Variants in PCDHGA5 observed in about 807,000 individuals in gnomAD.
The protein encoded by PCDHGA5 is protocadherin gamma subfamily A, 5, also known as protocadherin gamma-A5.
Under a neutral mutation model 56.7 loss-of-function variants are expected in PCDHGA5, and 36 were observed. The ratio of observed to expected loss-of-function variants is 0.64; its 90% CI spans 0.49 to 0.84. The LOEUF (loss-of-function observed/expected upper bound fraction) is 0.84. Among genes scored for constraint, PCDHGA5 ranks in the 40% least tolerant of loss-of-function variants. PCDHGA5 has a pLI of 0.00. For missense variants in PCDHGA5, 1,305 were observed against 1,201.5 expected, an observed-to-expected ratio of 1.09 and a Z score of -1.27; for synonymous variants, 563 against 520.2, an observed-to-expected ratio of 1.08 and a Z score of -1.12.
Position 141,491,739 on chromosome 5 carries a change from C to T in PCDHGA5, c.2422-3068C>T. ...CGCCGCCCCGGGCGACCCCTGGGGG[C>T]GGCACTGGAGAAGCCGCCCGTCCTC... On this transcript the variant is annotated intron_variant, in intron 1 of 3. Transcript: ENST00000518069. This position sits in a 1 kb window ranked among gnomAD's most constrained non-coding sequence, Gnocchi z 6.9. The T allele has an allele frequency of 1.3e-6, 2 of 1,599,004 alleles. No individual in the cohort carries two copies. Among genetic ancestry groups the T allele is most frequent in the East Asian group, 2.3e-5 (1 of 44,194 alleles).
intron 1 of PCDHGA5, chr5:141,400,663 A>T: frequency 4.0e-6 from 4 of 995,312 alleles, no homozygotes; most frequent in Non-Finnish European, 6.0e-6. Flanking sequence ...ACCATTCTTT[A>T]AGAGGAGCAG....
rs748828282 is a variant in PCDHGA5 at position 141,491,412 on chromosome 5, C to T, written c.2422-3395C>T. The T allele has an allele frequency of 3.1e-6, 5 of 1,613,944 alleles. No homozygotes were observed. The African/African-American group carries it at 5.3e-5, about 17-fold the overall frequency. Reference sequence around the variant, plus strand: ...GCCTTCAGGGAAACGCAGACGGGGACGGGGGTGGAGGGCAGTGCTGCAGGC... The same window carrying T: ...GCCTTCAGGGAAACGCAGACGGGGATGGGGGTGGAGGGCAGTGCTGCAGGC... On this transcript the variant is annotated intron_variant, in intron 1 of 3. Coordinates refer to ENST00000518069, the MANE Select transcript of PCDHGA5 (RefSeq NM_018918.3). The surrounding 1 kb of genome is among the most constrained non-coding windows in gnomAD (Gnocchi z 6.9).
intron 1 of PCDHGA5, chr5:141,372,387 G>T (rs771030632): frequency 3.7e-6 from 6 of 1,613,898 alleles, no homozygotes; most frequent in Non-Finnish European, 5.1e-6. Flanking sequence ...CCTAATCTTC[G>T]CAGATAGCTT....
intron 1 of PCDHGA5, chr5:141,383,386 G>C (rs1199066955): frequency 1.2e-6 from 2 of 1,614,000 alleles, no homozygotes; most frequent in Non-Finnish European, 1.7e-6. Context: ...TCCAGATGTG[G>C]GCACGAACTC....
chr5:141,383,761 C>G (rs923900490), intron 1 of PCDHGA5: 15 of 1,613,834 alleles, frequency 9.3e-6, no homozygotes, highest in Non-Finnish European at 1.1e-5. Flanking sequence ...AACTCCTAAA[C>G]TTCCAAAGAT....
chr5:141,418,150 A>C (rs1377300460), intron 1 of PCDHGA5: 2 of 1,614,112 alleles, frequency 1.2e-6, no homozygotes, highest in Non-Finnish European at 8.5e-7. Context: ...AAATATGCAA[A>C]GAGAGAAGAA....
intron 1 of PCDHGA5, chr5:141,440,759 C>T (rs1160288117): frequency 1.3e-5 from 2 of 152,158 alleles, no homozygotes; most frequent in Admixed American, 6.6e-5. Flanking sequence ...AAGCAGAGCT[C>T]CCATCCCTTA....
rs766092387 is a variant in PCDHGA5 at position 141,491,171 on chromosome 5, T to C, written c.2422-3636T>C. 7.4e-6 allele frequency: 12 copies of C among 1,613,968 alleles called. No individual in the cohort carries two copies. The highest frequency in any genetic ancestry group is 1.3e-5 in the African/African-American group (1 of 74,904). On this transcript the variant is annotated intron_variant, in intron 1 of 3. Coordinates refer to ENST00000518069, the MANE Select transcript of PCDHGA5 (RefSeq NM_018918.3). The surrounding 1 kb of genome is among the most constrained non-coding windows in gnomAD (Gnocchi z 6.9). The stretch of plus-strand genomic sequence containing the variant: ...GAGGATGACTCTGACACCCAGCAGG[T>C]GGTGGTCCTGGTGAGGGACAATGGT...
rs1456451105 is a variant in PCDHGA5 at position 141,477,377 on chromosome 5, C to T, written c.2422-17430C>T. Reference sequence around the variant, plus strand: ...TGCAGACCTGGATCGGGAGACTGTGCCAGAATACAACCTCAGCATCACCGC... The same window carrying T: ...TGCAGACCTGGATCGGGAGACTGTGTCAGAATACAACCTCAGCATCACCGC... On this transcript the variant is annotated intron_variant, in intron 1 of 3. Coordinates refer to ENST00000518069, the MANE Select transcript of PCDHGA5 (RefSeq NM_018918.3). This position sits in a 1 kb window ranked among gnomAD's most constrained non-coding sequence, Gnocchi z 4.9. 1 of 1,614,144 alleles carries T rather than the reference C, an allele frequency of 6.2e-7. No homozygotes were observed. Among genetic ancestry groups the T allele is most frequent in the South Asian group, 1.1e-5 (1 of 91,080 alleles).
chr5:141,426,848 C>T (rs1379697529), intron 1 of PCDHGA5: 3 of 456,552 alleles, frequency 6.6e-6, no homozygotes, highest in Admixed American at 4.7e-5. Context: ...AAGGCAAGAA[C>T]GCTCCAGAAT....
At chr5:141,392,005 T>A (rs1323895692) in intron 1 of PCDHGA5, 1 of 152,198 alleles carries the variant, frequency 6.6e-6, no homozygotes, top group African/African-American at 2.4e-5. Context: ...AAAACTGCAA[T>A]GGTAAAAGCA....
chr5:141,423,923 G>A (rs2096790975), intron 1 of PCDHGA5: 2 of 1,254,626 alleles, frequency 1.6e-6, no homozygotes, highest in African/African-American at 1.6e-5. Flanking sequence ...CAACTATGCT[G>A]GTTTGGTTTG....
At chr5:141,473,098 A>G (rs564554159) in intron 1 of PCDHGA5, among the ~76,000 whole-genome samples, 6 of 152,300 alleles carry the variant, frequency 3.9e-5, no homozygotes, top group South Asian at 4.1e-4. Context: ...TGTGAGTTGT[A>G]TTACCACACT....
chr5:141,366,186 T>C lies in PCDHGA5; in HGVS notation c.1856T>C (p.Val619Ala). 1 of 1,613,974 alleles carries C rather than the reference T, an allele frequency of 6.2e-7. No homozygotes were observed. The highest frequency in any genetic ancestry group is 8.5e-7 in the Non-Finnish European group (1 of 1,180,040). The change falls in exon 1 of 4, where the codon GTT (valine) becomes GCT (alanine). Residue 619 changes from valine (V) to alanine (A), a missense_variant. Transcript: ENST00000518069. ...GCCAGCGAGCCAGGACTCTTTGCGG[T>C]TGGGCTGCACACGGGCGAGGTGCGC... ...LKASEPGLFA[V>A]GLHTGEVRTA...
intron 1 of PCDHGA5, chr5:141,402,918 A>G: frequency 6.4e-7 from 1 of 1,570,054 alleles, no homozygotes; most frequent in Non-Finnish European, 8.6e-7. Context: ...GCGCGCACAG[A>G]GATCCTTTTG....
At chr5:141,372,987 AGT>A in intron 1 of PCDHGA5, 1 of 640,932 alleles carries the variant, frequency 1.6e-6, no homozygotes, top group Non-Finnish European at 2.6e-6. Flanking sequence ...TCTGTGTTGC[AGT>A]TGTTCTTTCA....
At chr5:141,499,271 T>C (rs2099790752) in intron 2 of PCDHGA5, among the ~76,000 whole-genome samples, 1 of 152,180 alleles carries the variant, frequency 6.6e-6, no homozygotes, top group South Asian at 2.1e-4. Context: ...GTCCCTAGAC[T>C]GTTCTCTGAT....
intron 1 of PCDHGA5, chr5:141,379,057 T>C (rs974258347): frequency 2.0e-5 from 3 of 152,238 alleles, no homozygotes; most frequent in African/African-American, 7.2e-5. Flanking sequence ...TAGAATGGAT[T>C]GGCCACTTGT....
chr5:141,474,710 A>T (rs535069070), intron 1 of PCDHGA5, among the ~76,000 whole-genome samples: 31 of 152,330 alleles, frequency 2.0e-4, no homozygotes, highest in African/African-American at 6.3e-4. Context: ...GTTCTATTAT[A>T]CTTCAAAAGG....
Sources: gnomAD v4.1 joint callset for allele counts (sites outside exome capture counted in the v4.1 genomes callset) on GRCh38, gnomAD v4.1.1 for gene constraint, Gnocchi (gnomAD v3.1) non-coding constraint, MANE v1.5 for transcripts, NCBI Gene and HGNC (gene_info 2026-07-23, HGNC 2026-07-21) for gene names.